Variants in SLC1A6 observed in about 807,000 individuals in gnomAD.
SLC1A6 encodes solute carrier family 1 member 6.
Under a neutral mutation model 42.1 loss-of-function variants are expected in SLC1A6, and 15 were observed. That is an observed-to-expected ratio of 0.36 (90% CI 0.24 to 0.55). SLC1A6 has a LOEUF of 0.55. Ranked by LOEUF, SLC1A6 falls within the 20% of genes least tolerant of loss-of-function variation. The pLI is 0.88. For synonymous variants in SLC1A6, 317 were observed against 319.7 expected, an observed-to-expected ratio of 0.99 and a Z score of 0.09; for missense variants, 542 against 772.5, an observed-to-expected ratio of 0.70 and a Z score of 3.54.
chr19:14,991,195 C>G (rs1045829123), intron 1 of SLC1A6, among the ~76,000 whole-genome samples: 2 of 152,086 alleles, frequency 1.3e-5, no homozygotes, highest in Non-Finnish European at 2.9e-5. Context: ...AAAGCAGATT[C>G]GTGGTTGCCA....
At chr19:14,980,279 T>C (rs560013723), upstream of SLC1A6, 1 of 152,348 alleles carries the variant, frequency 6.6e-6, no homozygotes, top group African/African-American at 2.4e-5. Context: ...AGGCTGGAAA[T>C]GCTCCGTGCC....
In SLC1A6 at chr19:14,950,342, C is replaced by T. The variant is rs1423209286; in HGVS notation, c.1548G>A (p.Ala516=). The change falls in exon 10 of 10, where the codon GCG becomes GCA. Residue 516 remains alanine (A), a synonymous_variant. Coordinates refer to ENST00000594383, the MANE Select transcript of SLC1A6 (RefSeq NM_005071.3). ...GCTGAGACAAGTGCTCGATGACGGCCGCTCCAATTGAGTCCCCCAGTACGT... is the reference window on the plus strand; with the variant it reads ...GCTGAGACAAGTGCTCGATGACGGCTGCTCCAATTGAGTCCCCCAGTACGT... ...MTNVLGDSIG[A]AVIEHLSQRE... The T allele has an allele frequency of 1.7e-5, 27 of 1,609,634 alleles. No homozygotes were observed. Among genetic ancestry groups the T allele is most frequent in the African/African-American group, 2.7e-5 (2 of 74,908 alleles).
upstream of SLC1A6, among the ~76,000 whole-genome samples, chr19:14,980,525 C>T (rs1600024504): frequency 6.6e-6 from 1 of 152,166 alleles, no homozygotes; most frequent in South Asian, 2.1e-4. Flanking sequence ...GGCACGGTGG[C>T]TCACGCCTGT....
intron 6 of SLC1A6, chr19:14,961,702 C>G: frequency 3.0e-6 from 1 of 332,956 alleles, no homozygotes; most frequent in Non-Finnish European, 5.6e-6. Context: ...AGTGAATGAA[C>G]AGATGAACAA....
intron 9 of SLC1A6, among the ~76,000 whole-genome samples, chr19:14,950,874 C>G (rs539975172): frequency 6.6e-6 from 1 of 151,052 alleles, no homozygotes; most frequent in Non-Finnish European, 1.5e-5. Context: ...GAGCCCAGAA[C>G]GTCAAGGCTG....
chr19:14,962,729 CCT>C (rs1451109192), intron 5 of SLC1A6, among the ~76,000 whole-genome samples: 2 of 152,038 alleles, frequency 1.3e-5, no homozygotes, highest in South Asian at 4.1e-4. Flanking sequence ...ATGGTGAAAC[CCT>C]GTCTCTACTA....
chr19:14,994,524 C>T (rs1471591512), intron 1 of SLC1A6, among the ~76,000 whole-genome samples: 1 of 152,216 alleles, frequency 6.6e-6, no homozygotes, highest in Non-Finnish European at 1.5e-5. Flanking sequence ...ACTGCCCAGT[C>T]TACCCTCCAT....
At chr19:14,995,356 AG>A (rs1245115278) in intron 1 of SLC1A6, among the ~76,000 whole-genome samples, 6 of 133,504 alleles carry the variant, frequency 4.5e-5, no homozygotes, top group South Asian at 2.5e-4. Context: ...AAAGAAAGAA[AG>A]AAAGAAAGAA....
At chr19:14,961,873 G>A in intron 6 of SLC1A6, 129 bp downstream of exon 6, 1 of 1,327,882 alleles carries the variant, frequency 7.5e-7, no homozygotes, top group South Asian at 1.6e-5. Context: ...GAGTTGGTGA[G>A]TGGGTAAGTG....
At chr19:14,986,827 C>CTCCCAAGG (rs2045795163) in intron 1 of SLC1A6, among the ~76,000 whole-genome samples, 1 of 152,056 alleles carries the variant, frequency 6.6e-6, no homozygotes, top group Non-Finnish European at 1.5e-5. Context: ...CTGCCTCGGC[C>CTCCCAAGG]TCCCAAGGTG....
chr19:15,009,906 G>A (rs993814567), intron 1 of SLC1A6, among the ~76,000 whole-genome samples: 21 of 152,172 alleles, frequency 1.4e-4, no homozygotes, highest in Admixed American at 1.1e-3. Context: ...TAAGCCAGGC[G>A]TGGTGGCTCA....
Position 14,972,756 on chromosome 19 carries a change from A to G in SLC1A6, c.155T>C (p.Phe52Ser), listed in dbSNP as rs748544067. The G allele has an allele frequency of 6.2e-7, 1 of 1,614,024 alleles. No homozygotes were observed. The highest frequency in any genetic ancestry group is 1.1e-5 in the South Asian group (1 of 91,074). The change falls in exon 2 of 10, where the codon TTC becomes TCC. Residue 52 changes from phenylalanine (F) to serine (S), a missense_variant. Transcript: ENST00000594383. ...CAGAATGAAGGCGTTTCGGCGCAGG[A>G]AGCGCAGCACGTGCTCGAGGGTCAT... ...QTMTLEHVLR[F>S]LRRNAFILLT...
At chr19:14,986,101 ATTT>A (rs34189680) in intron 1 of SLC1A6, among the ~76,000 whole-genome samples, 3 of 145,820 alleles carry the variant, frequency 2.1e-5, no homozygotes, top group Admixed American at 6.8e-5. Context: ...ACAAGCAGTA[ATTT>A]TTTTTTTTTT....
At chr19:14,950,475 G>A (rs1175756829) in intron 9 of SLC1A6, 85 bp from the exon 10 acceptor site, 28 of 1,036,788 alleles carry the variant, frequency 2.7e-5, no homozygotes, top group Non-Finnish European at 3.9e-5. Context: ...GGGTCCCTGT[G>A]CCAGGGAGTC....
chr19:14,955,531 A>G lies in SLC1A6; in HGVS notation c.1169+945T>C, dbSNP rs187891507. Among the ~76,000 whole-genome samples the G allele has an allele frequency of 2.8e-3, 418 of 151,936 alleles. 2 individuals carry two copies. Among genetic ancestry groups the G allele is most frequent in the Non-Finnish European group, 4.3e-3 (295 of 67,982 alleles). ...CTACTTGGGAGGCTGAGGTGGGAGG[A>G]TCACTTGAGCCTGGGAAGTGGAGGT... On this transcript the variant is annotated intron_variant, in intron 7 of 9. Transcript: ENST00000594383.
intron 9 of SLC1A6, among the ~76,000 whole-genome samples, 155 bp from the exon 10 acceptor site, chr19:14,950,545 T>C (rs1394221122): frequency 6.6e-6 from 1 of 152,116 alleles, no homozygotes; most frequent in Non-Finnish European, 1.5e-5. Context: ...TTCTTCCCCC[T>C]CTCTGCCCTG....
chr19:14,982,411 C>T (rs893598517), upstream of SLC1A6, among the ~76,000 whole-genome samples: 8 of 151,974 alleles, frequency 5.3e-5, no homozygotes, highest in Non-Finnish European at 1.0e-4. Context: ...TGCCTGTAAT[C>T]CCAGCTACTC....
At chr19:14,980,207 A>C (rs374205485), upstream of SLC1A6, 7 of 152,386 alleles carry the variant, frequency 4.6e-5, no homozygotes, top group Admixed American at 2.6e-4. Flanking sequence ...TCCTCCGCTA[A>C]ACAAGGAAGA....
At chr19:15,004,112 C>T (rs879423656) in intron 1 of SLC1A6, among the ~76,000 whole-genome samples, 1 of 152,052 alleles carries the variant, frequency 6.6e-6, no homozygotes, top group Non-Finnish European at 1.5e-5. Flanking sequence ...GCCAAGATCA[C>T]ACCACTGCAC....
Sources: gnomAD v4.1 joint callset for allele counts (sites outside exome capture counted in the v4.1 genomes callset) on GRCh38, gnomAD v4.1.1 for gene constraint, MANE v1.5 for transcripts, NCBI Gene and HGNC (gene_info 2026-07-23, HGNC 2026-07-21) for gene names.